CATSPERB: variants seen among roughly 807,000 people sequenced by gnomAD.
The protein encoded by CATSPERB is catsper channel auxiliary subunit beta.
CATSPERB carries 93 observed loss-of-function variants against 128.3 expected under a neutral mutation model. That is an observed-to-expected ratio of 0.72 (90% CI 0.61 to 0.86). CATSPERB has a LOEUF of 0.86. Ranked by LOEUF, CATSPERB falls within the 40% of genes least tolerant of loss-of-function variation. The pLI is 0.00. For synonymous variants in CATSPERB, 381 were observed against 448.8 expected (o/e 0.85, Z 1.91); for missense variants, 1,153 against 1,329.5 (o/e 0.87, Z 2.06).
intron 5 of CATSPERB, among the ~76,000 whole-genome samples, chr14:91,716,854 T>C (rs1317613258): frequency 6.6e-6 from 1 of 152,090 alleles, no homozygotes; most frequent in South Asian, 2.1e-4. Flanking sequence ...GTTTTTCTTA[T>C]AAAGTTAAGC....
At position 91,649,414 on chromosome 14, in the gene CATSPERB, C is replaced by T. The variant is rs188048702; in HGVS notation, c.1433-10164G>A. Among the ~76,000 whole-genome samples, 45 of 151,928 alleles carry T rather than the reference C, an allele frequency of 3.0e-4. No individual in the cohort carries two copies. In the East Asian group the frequency reaches 8.3e-3, roughly 28 times the overall value. On this transcript the variant is annotated intron_variant, in intron 15 of 26. Coordinates refer to ENST00000256343, the MANE Select transcript of CATSPERB (RefSeq NM_024764.4). ...AACTCCTGCGCTCAAGTGATGCTCCCGCCTTGGCCTCCCAAAGTTCTGGAA... is the reference window on the plus strand; with the variant it reads ...AACTCCTGCGCTCAAGTGATGCTCCTGCCTTGGCCTCCCAAAGTTCTGGAA...
chr14:91,617,313 A>T (rs1893957725), intron 20 of CATSPERB, among the ~76,000 whole-genome samples: 1 of 152,202 alleles, frequency 6.6e-6, no homozygotes. Flanking sequence ...TGGTAAAAAA[A>T]TATGATTCTG....
At chr14:91,597,114 C>T (rs572255939) in intron 22 of CATSPERB, among the ~76,000 whole-genome samples, 3 of 151,576 alleles carry the variant, frequency 2.0e-5, no homozygotes, top group Non-Finnish European at 4.4e-5. Context: ...AGGATGGTCT[C>T]GATCTGACCT....
At chr14:91,716,898 C>T (rs902598729) in intron 5 of CATSPERB, among the ~76,000 whole-genome samples, 3 of 152,176 alleles carry the variant, frequency 2.0e-5, no homozygotes, top group Admixed American at 2.0e-4. Context: ...AATCCTACTA[C>T]TTGGTATTAG....
chr14:91,704,841 G>T, intron 6 of CATSPERB, 140 bp from the exon 7 acceptor site: 2 of 768,414 alleles, frequency 2.6e-6, no homozygotes, highest in Non-Finnish European at 4.1e-6. Context: ...ACTCTGCATT[G>T]GTTAAAAATC....
intron 12 of CATSPERB, among the ~76,000 whole-genome samples, chr14:91,673,669 G>A (rs1359062734): frequency 3.3e-5 from 5 of 152,176 alleles, no homozygotes; most frequent in African/African-American, 9.7e-5. Context: ...TGGGTCACGA[G>A]GTCAAGAGAT....
At chr14:91,604,582 T>C in intron 22 of CATSPERB, 2 of 1,610,454 alleles carry the variant, frequency 1.2e-6, no homozygotes, top group Non-Finnish European at 1.7e-6. Flanking sequence ...ACTGCAGAGA[T>C]TCCTCTCCAT....
intron 22 of CATSPERB, among the ~76,000 whole-genome samples, chr14:91,606,084 G>A (rs1041230144): frequency 1.1e-4 from 17 of 152,250 alleles, no homozygotes; most frequent in African/African-American, 3.9e-4. Context: ...GCTGAGGCAG[G>A]AGAATCGCTT....
At chr14:91,598,568 G>C (rs1487745831) in intron 22 of CATSPERB, among the ~76,000 whole-genome samples, 1 of 152,102 alleles carries the variant, frequency 6.6e-6, no homozygotes, top group East Asian at 1.9e-4. Flanking sequence ...TGTCAGAAAA[G>C]ATTTGACTGG....
rs115448888 is a variant in CATSPERB at position 91,730,675 on chromosome 14, C to G, written c.1-1196G>C. ...TGTCTTTTGCCAGCATCCAAGAAAA[C>G]AGAAACATACTAATTTGCCAACTCT... On this transcript the variant is annotated intron_variant, in intron 1 of 26. Transcript: ENST00000256343. 5.2e-3 allele frequency among the ~76,000 whole-genome samples: 792 copies of G among 152,308 alleles called. 7 individuals are homozygous for G. The highest frequency in any genetic ancestry group is 0.018 in the African/African-American group (740 of 41,578).
chr14:91,672,277 T>G (rs564666650), intron 13 of CATSPERB, among the ~76,000 whole-genome samples: 15 of 152,332 alleles, frequency 9.8e-5, no homozygotes, highest in Non-Finnish European at 7.4e-5. Flanking sequence ...TTGTTTGTTT[T>G]TTTGTTTGCT....
intron 10 of CATSPERB, among the ~76,000 whole-genome samples, chr14:91,685,994 A>C (rs546658281): frequency 6.8e-4 from 103 of 152,322 alleles, no homozygotes; most frequent in Admixed American, 2.5e-3. Context: ...TCTCATGCCA[A>C]ATCCCTAATT....
intron 2 of CATSPERB, among the ~76,000 whole-genome samples, chr14:91,726,365 T>A (rs570605323): frequency 6.6e-6 from 1 of 152,318 alleles, no homozygotes; most frequent in East Asian, 1.9e-4. Context: ...CCCATCTGCA[T>A]GCTCCCCATC....
At chr14:91,675,936 G>A (rs535003075) in intron 11 of CATSPERB, among the ~76,000 whole-genome samples, 9 of 152,150 alleles carry the variant, frequency 5.9e-5, no homozygotes, top group South Asian at 4.2e-4. Context: ...TCCCACTTAC[G>A]GTTTTCAATG....
intron 2 of CATSPERB, among the ~76,000 whole-genome samples, chr14:91,728,442 T>C (rs188416714): frequency 6.4e-4 from 97 of 152,264 alleles, no homozygotes; most frequent in African/African-American, 2.2e-3. Context: ...ACTTGTCTCA[T>C]TGCAACTAAT....
At chr14:91,663,051 CTTCT>C (rs996276656) in intron 14 of CATSPERB, among the ~76,000 whole-genome samples, 6 of 152,014 alleles carry the variant, frequency 3.9e-5, no homozygotes, top group Middle Eastern at 3.2e-3. Context: ...TTCTCTCCTT[CTTCT>C]TTCTTTCTCC....
Position 91,625,863 on chromosome 14 carries a change from C to T in CATSPERB, c.1743-856G>A, listed in dbSNP as rs143865185. Among the ~76,000 whole-genome samples the T allele has an allele frequency of 1.9e-3, 293 of 152,298 alleles. 3 individuals are homozygous for T. The East Asian group carries it at 0.04, about 21-fold the overall frequency. The stretch of plus-strand genomic sequence containing the variant: ...ACTCTAGGCCGGGTGCAGTGGCTCA[C>T]ACCGGTAATCCCAGCACTTTGGGAG... On this transcript the variant is annotated intron_variant, in intron 17 of 26. Transcript: ENST00000256343.
rs976727238 is a variant in CATSPERB, at chr14:91,588,076, G to C, written c.2959C>G (p.His987Asp). 6 of 1,584,194 alleles carry C rather than the reference G, an allele frequency of 3.8e-6. No individual in the cohort carries two copies. Among genetic ancestry groups the C allele is most frequent in the Non-Finnish European group, 5.2e-6 (6 of 1,155,706 alleles). The stretch of plus-strand genomic sequence containing the variant: ...CTTTTAATATTTTCTGGCACAGTGT[G>C]TTCTAAAAATACATAAAACATATTT... Reference protein sequence around the residue: ...VNMRHNWKLKHTVPENIKRMK... With the variant: ...VNMRHNWKLKDTVPENIKRMK... The change falls in exon 25 of 27, where the codon CAC (histidine) becomes GAC (aspartate). Residue 987 changes from histidine to aspartate, a missense_variant and splice_region_variant. Coordinates refer to ENST00000256343, the MANE Select transcript of CATSPERB (RefSeq NM_024764.4).
intron 14 of CATSPERB, among the ~76,000 whole-genome samples, chr14:91,662,870 C>T (rs1481411360): frequency 2.0e-5 from 3 of 152,092 alleles, no homozygotes; most frequent in Non-Finnish European, 4.4e-5. Context: ...GTGTTTTCTC[C>T]TTTTTGCTAT....
Sources: allele counts gnomAD v4.1 joint callset (sites outside exome capture counted in the v4.1 genomes callset), GRCh38; gene constraint gnomAD v4.1.1; transcripts MANE v1.5; gene names NCBI Gene and HGNC (gene_info 2026-07-23, HGNC 2026-07-21).